Variants in TIMM9 observed in about 807,000 individuals in gnomAD.
TIMM9 encodes mitochondrial import inner membrane translocase subunit Tim9.
Under a neutral mutation model 13.4 loss-of-function variants are expected in TIMM9, and 10 were observed. The ratio of observed to expected loss-of-function variants is 0.75; its 90% CI spans 0.46 to 1.26. The LOEUF is 1.26. Ranked by LOEUF, TIMM9 falls within the 50% of genes most tolerant of loss-of-function variation. The pLI is 0.00. For synonymous variants in TIMM9, 32 were observed against 32.1 expected (o/e 1.00, Z 0.01); for missense variants, 87 against 100.8 (o/e 0.86, Z 0.58).
rs769966758 is a variant in TIMM9, at chr14:58,411,987, A to C, written c.-26-16T>G. 1.9e-6 allele frequency: 3 copies of C among 1,592,698 alleles called. No individual in the cohort carries two copies. The highest frequency in any genetic ancestry group is 1.7e-6 in the Non-Finnish European group (2 of 1,161,490). On this transcript the variant is annotated splice_polypyrimidine_tract_variant and intron_variant, in intron 3 of 5. Coordinates refer to ENST00000395159, the MANE Select transcript of TIMM9 (RefSeq NM_012460.4). Reference sequence around the variant, plus strand: ...TATTAGTCACCTAATTTAAAAATTCAAAACAAGTTTGTCAATCTATAAACA... The same window carrying C: ...TATTAGTCACCTAATTTAAAAATTCCAAACAAGTTTGTCAATCTATAAACA...
At chr14:58,424,180 C>G (rs2036670344) in intron 2 of TIMM9, 85 bp from the exon 3 acceptor site, 2 of 152,132 alleles carry the variant, frequency 1.3e-5, no homozygotes, top group African/African-American at 4.8e-5. Flanking sequence ...ATTGGCTAAT[C>G]ATTTATTTTT....
At chr14:58,420,986 C>A (rs2036574881) in intron 3 of TIMM9, among the ~76,000 whole-genome samples, 1 of 152,072 alleles carries the variant, frequency 6.6e-6, no homozygotes, top group African/African-American at 2.4e-5. Context: ...ATTCATCTCC[C>A]ATATAACCCT....
intron 3 of TIMM9, among the ~76,000 whole-genome samples, chr14:58,420,055 G>C (rs1487718781): frequency 6.6e-6 from 1 of 152,164 alleles, no homozygotes; most frequent in African/African-American, 2.4e-5. Flanking sequence ...CTCCCACAGG[G>C]CTGGGATTAC....
chr14:58,427,159 C>A lies in TIMM9; in HGVS notation c.-220G>T, dbSNP rs549064289. 2 of 171,040 alleles carry A rather than the reference C, an allele frequency of 1.2e-5. No homozygotes were observed. Among genetic ancestry groups the A allele is most frequent in the East Asian group, 3.4e-4 (2 of 5,856 alleles). The allele number at this position is 171,040 out of a possible 1,614,324, so 10.6% of individuals were successfully genotyped here. On this transcript the variant is annotated 5_prime_UTR_variant, in exon 2 of 6. Coordinates refer to ENST00000395159, the MANE Select transcript of TIMM9 (RefSeq NM_012460.4). ...AGGGTCTGGACAGGAGCCGCGGCCGCCAGATGGGAAAGAACACGTGGGAGC... is the reference window on the plus strand; with the variant it reads ...AGGGTCTGGACAGGAGCCGCGGCCGACAGATGGGAAAGAACACGTGGGAGC...
intron 4 of TIMM9, among the ~76,000 whole-genome samples, 175 bp from the exon 5 acceptor site, chr14:58,411,113 T>C (rs2036200791): frequency 1.3e-5 from 2 of 152,232 alleles, no homozygotes; most frequent in Admixed American, 6.5e-5. Context: ...TATTTTCTAG[T>C]TGAATATTTA....
rs540308731 is a variant in TIMM9, at chr14:58,414,717, G to A, written c.-26-2746C>T. Among the ~76,000 whole-genome samples, 181 of 119,972 alleles carry A rather than the reference G, an allele frequency of 1.5e-3. 1 individual carries two copies. The highest frequency in any genetic ancestry group is 5.3e-3 in the Admixed American group (44 of 8,314). The allele number at this position is 119,972 out of a possible 152,430, so 78.7% of individuals were successfully genotyped here. On this transcript the variant is annotated intron_variant, in intron 3 of 5. Coordinates refer to ENST00000395159, the MANE Select transcript of TIMM9 (RefSeq NM_012460.4). ...GCAGCACTGTACTCCAGCCTGCACC[G>A]CATAGTGAGACGCCATCTCAAAAAA...
At chr14:58,413,332 C>CAATGTAAAT (rs771047071) in intron 3 of TIMM9, among the ~76,000 whole-genome samples, 40 of 152,282 alleles carry the variant, frequency 2.6e-4, no homozygotes, top group Middle Eastern at 6.8e-3. Context: ...GATCCTTTTA[C>CAATGTAAAT]AATGTAAATA....
chr14:58,410,164 C>A (rs529739976), intron 5 of TIMM9, among the ~76,000 whole-genome samples: 3 of 151,994 alleles, frequency 2.0e-5, no homozygotes, highest in African/African-American at 7.2e-5. Context: ...CTCTGCCTCC[C>A]GGGCTCAGGT....
rs564196618 is a variant in TIMM9, at chr14:58,411,918, G to A, written c.28C>T (p.Gln10Ter). MAAQIPESD[Q>*]IKQFKEFLGT... Reference sequence around the variant, plus strand: ...TTAGAATACCTTACCTGTTTTATCTGATCAGATTCTGGTATTTGTGCAGCC... The same window carrying A: ...TTAGAATACCTTACCTGTTTTATCTAATCAGATTCTGGTATTTGTGCAGCC... The change falls in exon 4 of 6, where the codon CAG (glutamine) becomes TAG (stop). Residue 10 changes from glutamine (Q) to a stop codon, truncating the protein, a stop_gained. Coordinates refer to ENST00000395159, the MANE Select transcript of TIMM9 (RefSeq NM_012460.4). LOFTEE classifies it high-confidence loss of function. The A allele has an allele frequency of 6.2e-7, 1 of 1,613,766 alleles. No homozygotes were observed. The highest frequency in any genetic ancestry group is 8.5e-7 in the Non-Finnish European group (1 of 1,179,762).
chr14:58,414,184 G>T (rs1474016660), intron 3 of TIMM9, among the ~76,000 whole-genome samples: 2 of 151,820 alleles, frequency 1.3e-5, no homozygotes, highest in African/African-American at 4.8e-5. Context: ...ATGATAAACT[G>T]GATGTGCAAA....
At chr14:58,426,782 T>C (rs746451160) in intron 2 of TIMM9, among the ~76,000 whole-genome samples, 10 of 152,156 alleles carry the variant, frequency 6.6e-5, no homozygotes, top group Admixed American at 2.0e-4. Flanking sequence ...AAATACCTTA[T>C]AGTCTAATTC....
chr14:58,423,137 G>C (rs2036635794), intron 3 of TIMM9, among the ~76,000 whole-genome samples: 1 of 151,718 alleles, frequency 6.6e-6, no homozygotes, highest in African/African-American at 2.4e-5. Flanking sequence ...AGACCTAACA[G>C]TTGAACTCAA....
chr14:58,426,995 A>G (rs1178176251), intron 2 of TIMM9, 59 bp downstream of exon 2: 1 of 153,296 alleles, frequency 6.5e-6, no homozygotes, highest in Admixed American at 6.5e-5. Flanking sequence ...CCTGGAGCGT[A>G]GCCTGCCACC....
chr14:58,423,229 C>T (rs184074274), intron 3 of TIMM9, among the ~76,000 whole-genome samples: 151 of 151,714 alleles, frequency 1.0e-3, no homozygotes, highest in Non-Finnish European at 1.8e-3. Flanking sequence ...ATCAAGATTA[C>T]GGTATAGGCC....
At chr14:58,420,617 A>G (rs1412526239) in intron 3 of TIMM9, among the ~76,000 whole-genome samples, 1 of 151,918 alleles carries the variant, frequency 6.6e-6, no homozygotes, top group Non-Finnish European at 1.5e-5. Flanking sequence ...ACGTGGTGAA[A>G]CCCCATCTCT....
intron 3 of TIMM9, among the ~76,000 whole-genome samples, chr14:58,419,792 T>G (rs2036535010): frequency 6.6e-6 from 1 of 152,028 alleles, no homozygotes; most frequent in East Asian, 1.9e-4. Flanking sequence ...GGCACATACC[T>G]GTAGTCCCAG....
chr14:58,426,350 C>T (rs1309289464), intron 2 of TIMM9, among the ~76,000 whole-genome samples: 7 of 151,616 alleles, frequency 4.6e-5, no homozygotes, highest in Non-Finnish European at 7.4e-5. Flanking sequence ...GGACTACAGG[C>T]GCGCGCCACC....
chr14:58,420,052 AG>A (rs2036543536), intron 3 of TIMM9, among the ~76,000 whole-genome samples: 1 of 152,196 alleles, frequency 6.6e-6, no homozygotes, highest in African/African-American at 2.4e-5. Flanking sequence ...CACCTCCCAC[AG>A]GGCTGGGATT....
At chr14:58,409,820 C>T (rs1172394169) in intron 5 of TIMM9, among the ~76,000 whole-genome samples, 1 of 151,872 alleles carries the variant, frequency 6.6e-6, no homozygotes, top group African/African-American at 2.4e-5. Context: ...CCTCGTGATC[C>T]GCCTGCCTCA....
Sources: gnomAD v4.1 joint callset for allele counts (sites outside exome capture counted in the v4.1 genomes callset) on GRCh38, gnomAD v4.1.1 for gene constraint, MANE v1.5 for transcripts, NCBI Gene and HGNC (gene_info 2026-07-23, HGNC 2026-07-21) for gene names.